RBFA: variants seen among roughly 807,000 people sequenced by gnomAD.
RBFA encodes putative ribosome-binding factor A, mitochondrial.
Under a neutral mutation model 27.9 loss-of-function variants are expected in RBFA, and 16 were observed. That is an observed-to-expected ratio of 0.57 (90% CI 0.39 to 0.87). RBFA has a LOEUF of 0.87. Among genes scored for constraint, RBFA ranks in the 40% least tolerant of loss-of-function variants. RBFA has a pLI of 0.00. For synonymous variants in RBFA, 181 were observed against 181.0 expected (o/e 1.00, Z 0.00); for missense variants, 456 against 432.1 (o/e 1.06, Z -0.49).
At chr18:80,041,068 G>A (rs904468484) in intron 4 of RBFA, among the ~76,000 whole-genome samples, 4 of 152,148 alleles carry the variant, frequency 2.6e-5, no homozygotes, top group Middle Eastern at 6.3e-3. Flanking sequence ...AAAGGTGGCC[G>A]TGTGTGGGCT....
chr18:80,047,175 G>A lies in RBFA; in HGVS notation c.*1020G>A, dbSNP rs1406162078. On this transcript the variant is annotated 3_prime_UTR_variant, in exon 7 of 7. Coordinates refer to ENST00000306735, the MANE Select transcript of RBFA (RefSeq NM_024805.3). ...TGAGAATCAAGACGGCACAGGGAAG[G>A]CATCTGTCCCAGCATTTGCACATGA... 1.3e-5 allele frequency: 2 copies of A among 152,310 alleles called. No individual in the cohort carries two copies. The allele number at this position is 152,310 out of a possible 1,614,324, so 9.4% of individuals were successfully genotyped here.
Position 80,034,487 on chromosome 18 carries a change from C to A in RBFA, c.-9C>A. 6.5e-7 allele frequency: 1 copy of A among 1,526,934 alleles called. No individual in the cohort carries two copies. The highest frequency in any genetic ancestry group is 8.7e-7 in the Non-Finnish European group (1 of 1,147,210). The allele number at this position is 1,526,934 out of a possible 1,614,324, so 94.6% of individuals were successfully genotyped here. ...TCTCCCTGCTCGCTCCGGGTCCCGG[C>A]GCCGCGCCATGTGGGCTGCGGCGGG... On this transcript the variant is annotated 5_prime_UTR_variant, in exon 1 of 7. Transcript: ENST00000306735.
At chr18:80,038,809 T>C (rs542478831) in intron 4 of RBFA, among the ~76,000 whole-genome samples, 192 bp downstream of exon 4, 3 of 152,334 alleles carry the variant, frequency 2.0e-5, no homozygotes, top group Non-Finnish European at 4.4e-5. Context: ...TTAGCATTTA[T>C]TAAAGTGTGC....
intron 3 of RBFA, among the ~76,000 whole-genome samples, chr18:80,038,215 CAG>C (rs1325353361): frequency 1.3e-5 from 2 of 152,214 alleles, no homozygotes; most frequent in South Asian, 2.1e-4. Context: ...ATTAGTGTCT[CAG>C]GGCAAGTGGC....
intron 6 of RBFA, among the ~76,000 whole-genome samples, chr18:80,045,371 C>T (rs1246263853): frequency 2.0e-5 from 3 of 151,928 alleles, no homozygotes; most frequent in Non-Finnish European, 4.4e-5. Context: ...GGATTACAGG[C>T]GAGCGCCACC....
Position 80,034,566 on chromosome 18 carries a change from C to T in RBFA, c.71C>T (p.Ala24Val), listed in dbSNP as rs765391076. 1 of 1,609,320 alleles carries T rather than the reference C, an allele frequency of 6.2e-7. No individual in the cohort carries two copies. The highest frequency in any genetic ancestry group is 1.3e-5 in the African/African-American group (1 of 74,500). ...GLRALFRSRD[A>V]ALFPGCERGL... is the part of the protein sequence containing the mutation. ...CGGGCCCTGTTCCGTAGCCGCGATG[C>T]TGCGCTATTTCCAGGCTGCGAGCGG... Residue 24 changes from alanine to valine, a missense_variant, in exon 1 of 7, where the codon GCT becomes GTT. Coordinates refer to ENST00000306735, the MANE Select transcript of RBFA (RefSeq NM_024805.3).
rs955901231 is a variant in RBFA at position 80,046,605 on chromosome 18, C to T, written c.*450C>T. ...CGTCCCTGGGGCTGCTGGGCTGGCA[C>T]GTGGCGCCGGGGGCTCCATCCCTGG... On this transcript the variant is annotated 3_prime_UTR_variant, in exon 7 of 7. Coordinates refer to ENST00000306735, the MANE Select transcript of RBFA (RefSeq NM_024805.3). Among the ~76,000 whole-genome samples the T allele has an allele frequency of 4.6e-5, 7 of 152,134 alleles. No individual in the cohort carries two copies. The highest frequency in any genetic ancestry group is 3.9e-4 in the East Asian group (2 of 5,162).
chr18:80,047,736 G>A lies in RBFA; in HGVS notation c.*1581G>A, dbSNP rs958323608. Among the ~76,000 whole-genome samples the A allele has an allele frequency of 9.9e-5, 15 of 152,178 alleles. No homozygotes were observed. The highest frequency in any genetic ancestry group is 3.4e-4 in the African/African-American group (14 of 41,438). Reference sequence around the variant, plus strand: ...GGAGCCAGAAATTAGGTTACAAAGTGTACACCACACATAAAGGCTGATGCC... The same window carrying A: ...GGAGCCAGAAATTAGGTTACAAAGTATACACCACACATAAAGGCTGATGCC... On this transcript the variant is annotated 3_prime_UTR_variant, in exon 7 of 7. Transcript: ENST00000306735.
Position 80,046,211 on chromosome 18 carries a change from AG to A in RBFA, c.*57del. The A allele has an allele frequency of 6.4e-7, 1 of 1,558,256 alleles. No individual in the cohort carries two copies. On this transcript the variant is annotated 3_prime_UTR_variant, in exon 7 of 7. Transcript: ENST00000306735. The stretch of plus-strand genomic sequence containing the variant: ...AGGGAAAAGCATTGGCACGCAACGC[AG>A]CATGTGGCTTCATTGAGGCAGTTGA...
intron 4 of RBFA, among the ~76,000 whole-genome samples, chr18:80,041,137 G>C (rs1014174480): frequency 2.7e-4 from 41 of 152,144 alleles, no homozygotes; most frequent in African/African-American, 7.7e-4. Context: ...TGATGCCCAG[G>C]GGTCTGTGAA....
intron 3 of RBFA, among the ~76,000 whole-genome samples, chr18:80,038,218 G>A (rs1302549196): frequency 3.3e-5 from 5 of 152,202 alleles, no homozygotes; most frequent in Non-Finnish European, 7.4e-5. Context: ...AGTGTCTCAG[G>A]GCAAGTGGCT....
chr18:80,049,295 GGGGATTTCC>G lies in RBFA; in HGVS notation c.*3141_*3149del, dbSNP rs1444956338. 2.6e-5 allele frequency among the ~76,000 whole-genome samples: 4 copies of G among 151,864 alleles called. No homozygotes were observed. The highest frequency in any genetic ancestry group is 9.7e-5 in the African/African-American group (4 of 41,298). ...CCCTCTTCTGAATGGGTCCACTCCTGGGGATTTCCACGGCCTTTCCTGGGAGCAGGTTAG... is the reference window on the plus strand; with the variant it reads ...CCCTCTTCTGAATGGGTCCACTCCTGACGGCCTTTCCTGGGAGCAGGTTAG... On this transcript the variant is annotated 3_prime_UTR_variant, in exon 7 of 7. Transcript: ENST00000306735.
intron 4 of RBFA, 119 bp from the exon 5 acceptor site, chr18:80,042,016 G>A (rs1007508541): frequency 2.9e-5 from 16 of 550,720 alleles, no homozygotes; most frequent in Non-Finnish European, 4.0e-5. Context: ...GTGAGCCACC[G>A]CGCCCGGCCT....
intron 4 of RBFA, chr18:80,041,333 G>C (rs1191336967): frequency 6.6e-6 from 1 of 152,220 alleles, no homozygotes; most frequent in African/African-American, 2.4e-5. Context: ...TTCCATAGCT[G>C]TGTACCAAAG....
rs149461303 is a variant in RBFA at position 80,034,783 on chromosome 18, C to T, written c.158+130C>T. 267 of 1,144,120 alleles carry T rather than the reference C, an allele frequency of 2.3e-4. No homozygotes were observed. In the African/African-American group the frequency reaches 4.0e-3, roughly 17 times the overall value. 70.9% of individuals were successfully genotyped at this position (1,144,120 alleles called of 1,614,324 possible). Reference sequence around the variant, plus strand: ...CTCGCCAGTTCCTGCCTCCTGGGGTCTGCAGCAGTTCTAGCTCTCACTGTC... The same window carrying T: ...CTCGCCAGTTCCTGCCTCCTGGGGTTTGCAGCAGTTCTAGCTCTCACTGTC... On this transcript the variant is annotated intron_variant, in intron 1 of 6. Transcript: ENST00000306735.
Position 80,037,502 on chromosome 18 carries a change from C to T in RBFA, c.374C>T (p.Ser125Phe), listed in dbSNP as rs2051988429. The T allele has an allele frequency of 5.6e-6, 9 of 1,601,170 alleles. No homozygotes were observed. Among genetic ancestry groups the T allele is most frequent in the Non-Finnish European group, 7.7e-6 (9 of 1,169,776 alleles). ...CTGTATGACCTTAACGTGGAGCTCT[C>T]CAAGGTAGGCTGTGTGGCCAAAGAG... The part of the protein sequence containing the change: ...QELYDLNVEL[S>F]KVSLTPDFSA... Residue 125 changes from serine to phenylalanine, a missense_variant, in exon 3 of 7, where the codon TCC becomes TTC. By Grantham distance (155) the Ser-to-Phe change is radical. Transcript: ENST00000306735.
Position 80,044,280 on chromosome 18 carries a change from T to G in RBFA, c.645T>G (p.Asp215Glu), listed in dbSNP as rs778372574. ...RDERDNFVQN[D>E]FRDPDAPQPC... The stretch of plus-strand genomic sequence containing the variant: ...AAAGAGACAACTTTGTACAAAATGA[T>G]TTCAGGTGACGCATGTGGACATATG... The change falls in exon 6 of 7, where the codon GAT becomes GAG. Residue 215 changes from aspartate to glutamate, a missense_variant. Asp to Glu is a conservative substitution (Grantham distance 45). Coordinates refer to ENST00000306735, the MANE Select transcript of RBFA (RefSeq NM_024805.3). 4.3e-6 allele frequency: 7 copies of G among 1,613,782 alleles called. No individual in the cohort carries two copies. Among genetic ancestry groups the G allele is most frequent in the Non-Finnish European group, 5.9e-6 (7 of 1,179,738 alleles).
intron 4 of RBFA, among the ~76,000 whole-genome samples, chr18:80,040,463 G>C (rs763640128): frequency 6.6e-6 from 1 of 151,884 alleles, no homozygotes; most frequent in Non-Finnish European, 1.5e-5. Context: ...GTCTAGGCTG[G>C]TCTCCAACTC....
intron 5 of RBFA, among the ~76,000 whole-genome samples, 181 bp downstream of exon 5, chr18:80,042,400 CT>C (rs1242137542): frequency 6.6e-6 from 1 of 152,034 alleles, no homozygotes; most frequent in Non-Finnish European, 1.5e-5. Context: ...TAATAATTAA[CT>C]TTTTATAACA....
Sources: allele counts gnomAD v4.1 joint callset (sites outside exome capture counted in the v4.1 genomes callset), GRCh38; gene constraint gnomAD v4.1.1; transcripts MANE v1.5; gene names NCBI Gene and HGNC (gene_info 2026-07-23, HGNC 2026-07-21).